The following DCDC2C variants were observed in gnomAD, a reference collection of about 807,000 sequenced individuals.
The protein encoded by DCDC2C is doublecortin domain-containing protein 2C.
In DCDC2C, 44 loss-of-function variants were observed where a neutral mutation model predicts 45.0. The observed-to-expected ratio is 0.98, with a 90% confidence interval of 0.77 to 1.26. The LOEUF (loss-of-function observed/expected upper bound fraction) is 1.26. DCDC2C is among the 50% of genes most tolerant of loss of function. DCDC2C has a pLI of 0.00. For synonymous variants in DCDC2C, 187 were observed against 178.8 expected, an observed-to-expected ratio of 1.05 and a Z score of -0.37; for missense variants, 447 against 468.9, an observed-to-expected ratio of 0.95 and a Z score of 0.43.
intron 7 of DCDC2C, 155 bp from the exon 8 acceptor site, chr2:3,769,156 G>C (rs1670093011): frequency 1.6e-6 from 1 of 632,540 alleles, no homozygotes; most frequent in Non-Finnish European, 2.8e-6. Context: ...GAGGGAAACG[G>C]GGTGAGGCGG....
Position 3,797,860 on chromosome 2 carries a change from G to A in DCDC2C, c.1065+12760G>A, listed in dbSNP as rs562119855. Among the ~76,000 whole-genome samples the A allele has an allele frequency of 2.2e-3, 330 of 148,580 alleles. 4 individuals carry two copies. The highest frequency in any genetic ancestry group is 0.017 in the Middle Eastern group (5 of 288). On this transcript the variant is annotated intron_variant, in intron 10 of 10. Coordinates refer to ENST00000399143, the MANE Select transcript of DCDC2C (RefSeq NM_001287444.2). ...ATGTATATTCTGTTGATTTGGGGTG[G>A]AGAGTTCTGTAGATGTCTATTAGGT...
intron 1 of DCDC2C, among the ~76,000 whole-genome samples, chr2:3,705,254 G>A (rs911605070): frequency 1.3e-5 from 2 of 152,198 alleles, no homozygotes; most frequent in Non-Finnish European, 2.9e-5. Context: ...AAGAAAAGTC[G>A]TAAGTCACAG....
intron 10 of DCDC2C, among the ~76,000 whole-genome samples, chr2:3,792,163 C>T (rs545878547): frequency 2.6e-5 from 4 of 152,192 alleles, no homozygotes; most frequent in South Asian, 2.1e-4. Context: ...AGGTATCTCC[C>T]GTGGGGTTAG....
intron 8 of DCDC2C, among the ~76,000 whole-genome samples, chr2:3,769,760 A>C (rs1315330230): frequency 6.6e-6 from 1 of 152,180 alleles, no homozygotes; most frequent in African/African-American, 2.4e-5. Flanking sequence ...CCTGTACCTC[A>C]CAGAATTCCC....
At chr2:3,822,827 G>A (rs970765682) in intron 10 of DCDC2C, among the ~76,000 whole-genome samples, 4 of 152,014 alleles carry the variant, frequency 2.6e-5, no homozygotes, top group African/African-American at 9.7e-5. Flanking sequence ...CTCATGTGTT[G>A]TAGCAGGGAC....
rs1010795410 is a variant in DCDC2C, at chr2:3,847,653, A to T, written c.*470A>T. On this transcript the variant is annotated 3_prime_UTR_variant, in exon 11 of 11. Transcript: ENST00000399143. ...ACTAGTTCAAAGTGAAAAGGAAAAA[A>T]ATCCAGGGTTCGCTGGTGACATGGT... is the stretch of plus-strand genomic sequence containing the variant. Among the ~76,000 whole-genome samples the T allele has an allele frequency of 1.3e-5, 2 of 152,102 alleles. No individual in the cohort carries two copies. Among genetic ancestry groups the T allele is most frequent in the Admixed American group, 1.3e-4 (2 of 15,260 alleles).
chr2:3,814,543 C>T (rs1012188813), intron 10 of DCDC2C, among the ~76,000 whole-genome samples: 1 of 152,220 alleles, frequency 6.6e-6, no homozygotes, highest in Admixed American at 6.5e-5. Flanking sequence ...TCCTCCTGTC[C>T]CCCAGTTCTG....
At chr2:3,822,399 T>C (rs1032755986) in intron 10 of DCDC2C, among the ~76,000 whole-genome samples, 5 of 152,288 alleles carry the variant, frequency 3.3e-5, no homozygotes, top group Non-Finnish European at 1.5e-5. Flanking sequence ...ATTTAACTCA[T>C]TGGCAAACAA....
chr2:3,790,091 G>T (rs1341913092), intron 10 of DCDC2C, among the ~76,000 whole-genome samples: 1 of 152,182 alleles, frequency 6.6e-6, no homozygotes, highest in South Asian at 2.1e-4. Context: ...CCAGACTGAC[G>T]AAGGGTCTTG....
At chr2:3,798,043 T>A (rs983242561) in intron 10 of DCDC2C, among the ~76,000 whole-genome samples, 3 of 152,096 alleles carry the variant, frequency 2.0e-5, no homozygotes, top group South Asian at 2.1e-4. Context: ...GCTTTATGAA[T>A]CTGGGTGCTC....
intron 8 of DCDC2C, among the ~76,000 whole-genome samples, chr2:3,776,628 T>C (rs1670347084): frequency 1.3e-5 from 2 of 152,238 alleles, no homozygotes; most frequent in South Asian, 4.1e-4. Flanking sequence ...CATCAGATGC[T>C]GGCTTTCAGC....
intron 10 of DCDC2C, among the ~76,000 whole-genome samples, chr2:3,828,366 C>T (rs999597778): frequency 2.4e-4 from 36 of 152,164 alleles, no homozygotes; most frequent in African/African-American, 6.8e-4. Context: ...GCCGCTCACC[C>T]GGGGCTGCCC....
chr2:3,795,141 T>C (rs967487359), intron 10 of DCDC2C, among the ~76,000 whole-genome samples: 5 of 151,408 alleles, frequency 3.3e-5, no homozygotes, highest in Admixed American at 6.6e-5. Context: ...TTTCATGTGT[T>C]TTTTGGCTGC....
At chr2:3,756,368 C>T (rs1669716445) in intron 6 of DCDC2C, among the ~76,000 whole-genome samples, 1 of 152,214 alleles carries the variant, frequency 6.6e-6, no homozygotes, top group Non-Finnish European at 1.5e-5. Context: ...AGTCCCCTCC[C>T]TACTGTGACA....
At chr2:3,760,231 A>G (rs954754968) in intron 6 of DCDC2C, among the ~76,000 whole-genome samples, 16 of 152,238 alleles carry the variant, frequency 1.1e-4, no homozygotes, top group Non-Finnish European at 1.0e-4. Context: ...TTTTGAATAG[A>G]AGAAAATATT....
chr2:3,820,183 C>T (rs1240745044), intron 10 of DCDC2C, among the ~76,000 whole-genome samples: 1 of 152,128 alleles, frequency 6.6e-6, no homozygotes, highest in East Asian at 1.9e-4. Context: ...CGAAAATCAT[C>T]CAGGTCTTAT....
At chr2:3,776,406 A>G (rs1670337564) in intron 8 of DCDC2C, among the ~76,000 whole-genome samples, 1 of 152,036 alleles carries the variant, frequency 6.6e-6, no homozygotes, top group Non-Finnish European at 1.5e-5. Context: ...GTGGCAAAAA[A>G]CAGCTCTTCC....
At position 3,734,380 on chromosome 2, in the gene DCDC2C, G is replaced by T. The variant is rs1232828757; in HGVS notation, c.416+7301G>T. On this transcript the variant is annotated intron_variant, in intron 3 of 10. Coordinates refer to ENST00000399143, the MANE Select transcript of DCDC2C (RefSeq NM_001287444.2). The surrounding 1 kb of genome is among the most constrained non-coding windows in gnomAD (Gnocchi z 4.2). ...GAGCGAGATCTACTTAGGGCAGAGG[G>T]GTTTCTGATGAATCTAATCTAGGAT... Among the ~76,000 whole-genome samples, 1 of 152,192 alleles carries T rather than the reference G, an allele frequency of 6.6e-6. No homozygotes were observed. Among genetic ancestry groups the T allele is most frequent in the Non-Finnish European group, 1.5e-5 (1 of 68,030 alleles).
At chr2:3,799,243 T>C (rs927068138) in intron 10 of DCDC2C, among the ~76,000 whole-genome samples, 1 of 152,230 alleles carries the variant, frequency 6.6e-6, no homozygotes, top group African/African-American at 2.4e-5. Flanking sequence ...AGCACTTCTC[T>C]GTATTGGTTA....
Sources: allele counts gnomAD v4.1 joint callset (sites outside exome capture counted in the v4.1 genomes callset), GRCh38; gene constraint gnomAD v4.1.1; non-coding constraint Gnocchi (gnomAD v3.1); transcripts MANE v1.5; gene names NCBI Gene and HGNC (gene_info 2026-07-23, HGNC 2026-07-21).